CTNNA2: variants seen among roughly 807,000 people sequenced by gnomAD.
The protein encoded by CTNNA2 is catenin alpha 2, also known as catenin alpha-2.
Under a neutral mutation model 101.0 loss-of-function variants are expected in CTNNA2, and 42 were observed. That is an observed-to-expected ratio of 0.42 (90% CI 0.32 to 0.54). The LOEUF is 0.54. CTNNA2 is among the 20% of genes least tolerant of loss of function. The probability of loss-of-function intolerance (pLI) is 0.14; values close to 1 mark genes in which losing one functional copy is unlikely to be tolerated. For missense variants in CTNNA2, 871 were observed against 1,223.1 expected, an observed-to-expected ratio of 0.71 and a Z score of 4.29; for synonymous variants, 450 against 456.4, an observed-to-expected ratio of 0.99 and a Z score of 0.18.
At chr2:80,080,531 G>A (rs559716269) in intron 7 of CTNNA2, among the ~76,000 whole-genome samples, 2 of 152,328 alleles carry the variant, frequency 1.3e-5, no homozygotes, top group African/African-American at 4.8e-5. Flanking sequence ...AAACATGGGA[G>A]AATAGCTTTG....
chr2:79,982,713 C>T (rs768696907), intron 7 of CTNNA2, among the ~76,000 whole-genome samples: 1 of 152,060 alleles, frequency 6.6e-6, no homozygotes. Flanking sequence ...GTCCTCAGTG[C>T]TTGCGTTTTT....
intron 9 of CTNNA2, among the ~76,000 whole-genome samples, chr2:80,492,903 C>T (rs1687174085): frequency 1.3e-5 from 2 of 152,156 alleles, no homozygotes; most frequent in African/African-American, 2.4e-5. Context: ...TGGCGGACTT[C>T]AGTTCTAAAA....
intron 1 of CTNNA2, among the ~76,000 whole-genome samples, chr2:79,564,384 A>G (rs1314883697): frequency 6.6e-6 from 1 of 152,056 alleles, no homozygotes; most frequent in Non-Finnish European, 1.5e-5. Context: ...ATAACTGCGT[A>G]TTAGTGGAAC....
At chr2:80,220,199 T>C (rs979941316) in intron 7 of CTNNA2, among the ~76,000 whole-genome samples, 1 of 152,220 alleles carries the variant, frequency 6.6e-6, no homozygotes, top group African/African-American at 2.4e-5. Context: ...TCTTCTGCCA[T>C]AGACATACTA....
At chr2:80,470,807 A>G (rs1262153965) in intron 9 of CTNNA2, among the ~76,000 whole-genome samples, 1 of 152,224 alleles carries the variant, frequency 6.6e-6, no homozygotes, top group Non-Finnish European at 1.5e-5. Flanking sequence ...TCATGAAATA[A>G]TAGTGATAAA....
chr2:80,567,097 G>T (rs578157639), intron 12 of CTNNA2, among the ~76,000 whole-genome samples: 8 of 152,248 alleles, frequency 5.3e-5, no homozygotes, highest in East Asian at 1.9e-4. Flanking sequence ...CGAAGTAGAC[G>T]TATAGATCCA....
chr2:79,581,482 A>T (rs1361804164), intron 1 of CTNNA2, among the ~76,000 whole-genome samples: 10 of 152,048 alleles, frequency 6.6e-5, no homozygotes. Context: ...CCAAGATGGT[A>T]CCACTGTACT....
intron 2 of CTNNA2, among the ~76,000 whole-genome samples, chr2:79,296,044 T>C (rs1363101188): frequency 1.3e-5 from 2 of 152,194 alleles, no homozygotes; most frequent in East Asian, 1.9e-4. Context: ...ATTCCTACTA[T>C]GCTTATAAAT....
chr2:80,003,026 TG>T (rs1417083289), intron 7 of CTNNA2, among the ~76,000 whole-genome samples: 1 of 152,176 alleles, frequency 6.6e-6, no homozygotes, highest in East Asian at 1.9e-4. Context: ...TTAGGTTAAG[TG>T]GTAAAACGTG....
rs368852556 is a variant in CTNNA2 at position 80,541,153 on chromosome 2, GT to G, written c.1291-3828del. Among the ~76,000 whole-genome samples, 615 of 152,330 alleles carry G rather than the reference GT, an allele frequency of 4.0e-3. 13 individuals carry two copies. The highest frequency in any genetic ancestry group is 0.014 in the African/African-American group (577 of 41,582). On this transcript the variant is annotated intron_variant, in intron 9 of 18. Coordinates refer to ENST00000402739, the MANE Select transcript of CTNNA2 (RefSeq NM_001282597.3). ...GACAAGCCAAAAGAAAAAAGGGAAG[GT>G]AGGGATTTGGATAGAGCCCATGACC...
At chr2:80,133,517 A>AT (rs1702526828) in intron 7 of CTNNA2, among the ~76,000 whole-genome samples, 1 of 152,216 alleles carries the variant, frequency 6.6e-6, no homozygotes, top group African/African-American at 2.4e-5. Context: ...CCAAATGTAT[A>AT]TAGAGTAAAG....
chr2:80,232,345 GTTTTT>G (rs61454985), intron 7 of CTNNA2, among the ~76,000 whole-genome samples: 1 of 64,844 alleles, frequency 1.5e-5, no homozygotes, highest in African/African-American at 8.8e-5. Context: ...TTGTTTGTTT[GTTTTT>G]TTTTTTTTTT....
rs1192808400 is a variant in CTNNA2, at chr2:80,533,849, G to A, written c.1291-11133G>A. On this transcript the variant is annotated intron_variant, in intron 9 of 18. Transcript: ENST00000402739. ...GTAATTAAAAGGGCATTACATTCCC[G>A]GCATGGTTTAAGGTAAGACATGATA... is the stretch of plus-strand genomic sequence containing the variant. Among the ~76,000 whole-genome samples, 6 of 152,066 alleles carry A rather than the reference G, an allele frequency of 3.9e-5. No individual in the cohort carries two copies. In the East Asian group the frequency reaches 7.7e-4, roughly 20 times the overall value.
intron 7 of CTNNA2, among the ~76,000 whole-genome samples, chr2:80,078,095 T>C (rs1427459328): frequency 1.3e-5 from 2 of 152,178 alleles, no homozygotes; most frequent in African/African-American, 4.8e-5. Flanking sequence ...ATTTGACGCA[T>C]TTAGTTTTGC....
At chr2:79,379,040 T>C (rs1678011031) in intron 4 of CTNNA2, among the ~76,000 whole-genome samples, 1 of 152,148 alleles carries the variant, frequency 6.6e-6, no homozygotes, top group South Asian at 2.1e-4. Context: ...CTGTAAGCAT[T>C]CCTTTCTTTG....
chr2:79,749,261 C>G (rs751513677), intron 3 of CTNNA2, among the ~76,000 whole-genome samples: 2 of 152,120 alleles, frequency 1.3e-5, no homozygotes, highest in Non-Finnish European at 2.9e-5. Flanking sequence ...TCAGATGCAT[C>G]TGCCGTATGG....
intron 15 of CTNNA2, among the ~76,000 whole-genome samples, chr2:80,594,839 A>T (rs1259318004): frequency 6.6e-6 from 1 of 151,582 alleles, no homozygotes; most frequent in African/African-American, 2.4e-5. Context: ...ATATATAAGG[A>T]TCTATTTCTG....
At chr2:79,279,740 C>G (rs930989711) in intron 2 of CTNNA2, among the ~76,000 whole-genome samples, 1 of 152,078 alleles carries the variant, frequency 6.6e-6, no homozygotes, top group Admixed American at 6.6e-5. Context: ...CTTGAAGCCA[C>G]AGCTCATATG....
intron 3 of CTNNA2, among the ~76,000 whole-genome samples, chr2:79,852,749 G>A (rs1680823915): frequency 1.3e-5 from 2 of 151,814 alleles, no homozygotes; most frequent in Admixed American, 6.6e-5. Flanking sequence ...ACACCACCAC[G>A]CCTAGCTAAT....
Sources: gnomAD v4.1 joint callset for allele counts (sites outside exome capture counted in the v4.1 genomes callset) on GRCh38, gnomAD v4.1.1 for gene constraint, MANE v1.5 for transcripts, NCBI Gene and HGNC (gene_info 2026-07-23, HGNC 2026-07-21) for gene names.